PPP1R12A: variants seen among roughly 807,000 people sequenced by gnomAD.
PPP1R12A encodes the protein protein phosphatase 1 regulatory subunit 12A.
A neutral mutation model predicts 139.6 loss-of-function variants in PPP1R12A; 19 were observed. The ratio of observed to expected loss-of-function variants is 0.14; its 90% confidence interval spans 0.09 to 0.20. The LOEUF (loss-of-function observed/expected upper bound fraction) is 0.20, where lower values mean the gene tolerates loss of function less well. Ranked by LOEUF, PPP1R12A falls within the 10% of genes least tolerant of loss-of-function variation. The probability of loss-of-function intolerance (pLI) is 1.00; values close to 1 mark genes in which losing one functional copy is unlikely to be tolerated. For synonymous variants in PPP1R12A, 427 were observed against 420.6 expected (o/e 1.02, Z -0.19); for missense variants, 925 against 1,211.5 (o/e 0.76, Z 3.51).
chr12:79,868,245 G>A (rs1374892296), intron 2 of PPP1R12A, among the ~76,000 whole-genome samples: 1 of 152,102 alleles, frequency 6.6e-6, no homozygotes, highest in Non-Finnish European at 1.5e-5. Context: ...ATTCAAGATT[G>A]GAACAATAAA....
intron 14 of PPP1R12A, among the ~76,000 whole-genome samples, chr12:79,804,570 A>G (rs1873585247): frequency 6.6e-6 from 1 of 152,174 alleles, no homozygotes; most frequent in Non-Finnish European, 1.5e-5. Context: ...TTCAGTAGGC[A>G]ACAGAGAAAA....
intron 1 of PPP1R12A, among the ~76,000 whole-genome samples, chr12:79,895,273 A>C (rs959313405): frequency 5.3e-5 from 8 of 152,204 alleles, no homozygotes; most frequent in Non-Finnish European, 7.4e-5. Context: ...GAGATAATTA[A>C]AAAGAGCAAT....
At chr12:79,843,001 G>A (rs964461105) in intron 3 of PPP1R12A, among the ~76,000 whole-genome samples, 1 of 151,898 alleles carries the variant, frequency 6.6e-6, no homozygotes, top group Non-Finnish European at 1.5e-5. Context: ...TTTTCTCTAT[G>A]AATTTGACTA....
rs969801108 is a variant in PPP1R12A at position 79,773,722 on chromosome 12, A to G, written c.*2207T>C. 1 of 152,226 alleles carries G rather than the reference A, an allele frequency of 6.6e-6. No homozygotes were observed. Among genetic ancestry groups the G allele is most frequent in the African/African-American group, 2.4e-5 (1 of 41,468 alleles). 9.4% of individuals were successfully genotyped at this position (152,226 alleles called of 1,614,324 possible). Reference sequence around the variant, plus strand: ...TATTACAATTTCAGAAATTATTCAAATTGGTATCCAAGTAAAGCAATTAGT... The same window carrying G: ...TATTACAATTTCAGAAATTATTCAAGTTGGTATCCAAGTAAAGCAATTAGT... On this transcript the variant is annotated 3_prime_UTR_variant, in exon 25 of 25. Transcript: ENST00000450142.
At position 79,899,755 on chromosome 12, in the gene PPP1R12A, C is replaced by T. The variant is rs185118447; in HGVS notation, c.238-26817G>A. 3.9e-5 allele frequency among the ~76,000 whole-genome samples: 6 copies of T among 152,232 alleles called. No homozygotes were observed. In the East Asian group the frequency reaches 7.7e-4, roughly 20 times the overall value. ...AAACATAAGGAGTGGAATTTCTCAG[C>T]AGGTATACACTGACTTTTATAAGAA... On this transcript the variant is annotated intron_variant, in intron 1 of 24. Transcript: ENST00000450142.
intron 1 of PPP1R12A, among the ~76,000 whole-genome samples, chr12:79,896,435 GT>G (rs1180022215): frequency 1.3e-5 from 2 of 152,018 alleles, no homozygotes; most frequent in Admixed American, 6.6e-5. Flanking sequence ...CCAGGCTCAG[GT>G]GATTCTTCCA....
At chr12:79,851,357 C>G (rs1391153292) in intron 2 of PPP1R12A, among the ~76,000 whole-genome samples, 1 of 151,998 alleles carries the variant, frequency 6.6e-6, no homozygotes, top group East Asian at 1.9e-4. Context: ...GTTCTGTATC[C>G]CAATGAAAGA....
Position 79,933,119 on chromosome 12 carries a change from C to T in PPP1R12A, c.237+1576G>A, listed in dbSNP as rs528403019. 4.2e-4 allele frequency among the ~76,000 whole-genome samples: 64 copies of T among 152,252 alleles called. 2 individuals are homozygous for T. The South Asian group carries it at 0.013, about 32-fold the overall frequency. On this transcript the variant is annotated intron_variant, in intron 1 of 24. Coordinates refer to ENST00000450142, the MANE Select transcript of PPP1R12A (RefSeq NM_002480.3). ...CGAGTTATGATATGCCTTAAATAAACTTCACCCAAATAAAAAGTTTGCTAT... is the reference window on the plus strand; with the variant it reads ...CGAGTTATGATATGCCTTAAATAAATTTCACCCAAATAAAAAGTTTGCTAT...
chr12:79,891,914 G>A (rs1387466693), intron 1 of PPP1R12A, among the ~76,000 whole-genome samples: 1 of 152,122 alleles, frequency 6.6e-6, no homozygotes, highest in Non-Finnish European at 1.5e-5. Flanking sequence ...AGATGAGATG[G>A]CAGTCCCAGC....
chr12:79,836,898 C>T (rs983078835), intron 3 of PPP1R12A, among the ~76,000 whole-genome samples: 1 of 152,066 alleles, frequency 6.6e-6, no homozygotes, highest in African/African-American at 2.4e-5. Flanking sequence ...AGCTGTACTC[C>T]CTCAGGGTAG....
At position 79,903,833 on chromosome 12, in the gene PPP1R12A, C is replaced by A. The variant is rs954877201; in HGVS notation, c.237+30862G>T. Among the ~76,000 whole-genome samples, 6 of 151,950 alleles carry A rather than the reference C, an allele frequency of 3.9e-5. No individual in the cohort carries two copies. In the East Asian group the frequency reaches 1.2e-3, roughly 29 times the overall value. ...TCAAAAAAATAAATAAATGTAAAAC[C>A]ACATTATACAACTATTACTGTCTAG... is the stretch of plus-strand genomic sequence containing the variant. On this transcript the variant is annotated intron_variant, in intron 1 of 24. Coordinates refer to ENST00000450142, the MANE Select transcript of PPP1R12A (RefSeq NM_002480.3).
At chr12:79,791,763 C>T (rs933858809) in intron 19 of PPP1R12A, among the ~76,000 whole-genome samples, 5 of 152,102 alleles carry the variant, frequency 3.3e-5, no homozygotes, top group African/African-American at 1.2e-4. Context: ...ATCGCTAGAA[C>T]TTTTTCATCT....
chr12:79,808,617 G>A, intron 10 of PPP1R12A, 40 bp from the exon 11 acceptor site: 2 of 1,222,702 alleles, frequency 1.6e-6, no homozygotes, highest in South Asian at 1.3e-5. Flanking sequence ...ATTAATTTGG[G>A]TACTGACTAT....
At chr12:79,884,253 G>C in intron 1 of PPP1R12A, among the ~76,000 whole-genome samples, 1 of 152,086 alleles carries the variant, frequency 6.6e-6, no homozygotes, top group East Asian at 1.9e-4. Flanking sequence ...TTAACACACA[G>C]AAATAGCTAT....
At chr12:79,807,537 T>C (rs1483482056) in intron 11 of PPP1R12A, among the ~76,000 whole-genome samples, 1 of 151,966 alleles carries the variant, frequency 6.6e-6, no homozygotes, top group Non-Finnish European at 1.5e-5. Flanking sequence ...GGGGGAAAAT[T>C]CAGATATTTA....
chr12:79,811,169 A>G (rs34130746), intron 9 of PPP1R12A, among the ~76,000 whole-genome samples: 2 of 152,074 alleles, frequency 1.3e-5, no homozygotes, highest in Non-Finnish European at 2.9e-5. Flanking sequence ...CATTTCTTTC[A>G]TATCTATTGC....
intron 13 of PPP1R12A, 88 bp from the exon 14 acceptor site, chr12:79,805,856 C>T (rs1324667174): frequency 7.5e-7 from 1 of 1,341,192 alleles, no homozygotes; most frequent in Non-Finnish European, 1.0e-6. Flanking sequence ...AAACACATGA[C>T]TACAGGGATG....
chr12:79,855,464 C>A (rs2596783), intron 2 of PPP1R12A, among the ~76,000 whole-genome samples: 12,039 of 152,028 alleles, frequency 0.079, 796 homozygotes, highest in East Asian at 0.33. Flanking sequence ...CTTTATGGTA[C>A]AAATTTATTT....
chr12:79,829,528 G>A (rs1189118861), intron 4 of PPP1R12A, among the ~76,000 whole-genome samples: 1 of 152,038 alleles, frequency 6.6e-6, no homozygotes, highest in Non-Finnish European at 1.5e-5. Flanking sequence ...ATCAGCATAT[G>A]GAGAGATGGG....
Sources: gnomAD v4.1 joint callset for allele counts (sites outside exome capture counted in the v4.1 genomes callset) on GRCh38, gnomAD v4.1.1 for gene constraint, MANE v1.5 for transcripts, NCBI Gene and HGNC (gene_info 2026-07-23, HGNC 2026-07-21) for gene names.